The following ITFG1 variants were observed in gnomAD, a reference collection of about 807,000 sequenced individuals.
The protein encoded by ITFG1 is integrin alpha FG-GAP repeat containing 1, also known as T-cell immunomodulatory protein.
Under a neutral mutation model 81.8 loss-of-function variants are expected in ITFG1, and 34 were observed. The observed-to-expected ratio is 0.42, with a 90% CI of 0.32 to 0.55. ITFG1 has a LOEUF of 0.55. ITFG1 is among the 20% of genes least tolerant of loss of function. ITFG1 has a pLI of 0.17. For synonymous variants in ITFG1, 285 were observed against 270.6 expected, an observed-to-expected ratio of 1.05 and a Z score of -0.52; for missense variants, 672 against 755.4, an observed-to-expected ratio of 0.89 and a Z score of 1.29.
In ITFG1 at chr16:47,240,517, GA is replaced by G. The variant is rs756556474; in HGVS notation, c.1331-2510del. 7.2e-5 allele frequency among the ~76,000 whole-genome samples: 11 copies of G among 152,278 alleles called. No homozygotes were observed. In the South Asian group the frequency reaches 2.1e-3, roughly 29 times the overall value. On this transcript the variant is annotated intron_variant, in intron 12 of 17. Transcript: ENST00000320640. Reference sequence around the variant, plus strand: ...GGTATTTCTCCAAAGAAGATATACAGATGGCCACTGAGCTCATGAAAAGATG... The same window carrying G: ...GGTATTTCTCCAAAGAAGATATACAGTGGCCACTGAGCTCATGAAAAGATG...
At chr16:47,211,072 G>A (rs890219710) in intron 14 of ITFG1, among the ~76,000 whole-genome samples, 7 of 152,052 alleles carry the variant, frequency 4.6e-5, no homozygotes, top group Non-Finnish European at 1.0e-4. Context: ...ATCCTTCCGG[G>A]GACGTGGAAA....
intron 10 of ITFG1, among the ~76,000 whole-genome samples, chr16:47,270,834 T>C (rs1966330903): frequency 1.3e-5 from 2 of 150,376 alleles, no homozygotes; most frequent in African/African-American, 5.0e-5. Flanking sequence ...ATTCCATTAA[T>C]ATAAAATATT....
At chr16:47,357,891 T>C (rs1355051219) in intron 8 of ITFG1, among the ~76,000 whole-genome samples, 1 of 152,140 alleles carries the variant, frequency 6.6e-6, no homozygotes, top group Admixed American at 6.5e-5. Context: ...TTATATAAAT[T>C]ATGATTTCCA....
At chr16:47,407,865 CAT>C (rs1968748864) in intron 6 of ITFG1, among the ~76,000 whole-genome samples, 2 of 152,122 alleles carry the variant, frequency 1.3e-5, no homozygotes, top group South Asian at 4.1e-4. Flanking sequence ...CATATACATA[CAT>C]ATGTTATTAG....
At chr16:47,435,587 G>A (rs762920509) in intron 5 of ITFG1, among the ~76,000 whole-genome samples, 1 of 152,190 alleles carries the variant, frequency 6.6e-6, no homozygotes, top group Non-Finnish European at 1.5e-5. Context: ...GTTGCCTGTG[G>A]TAACTGTTCT....
At chr16:47,459,207 A>C in intron 1 of ITFG1, 32 bp from the exon 2 acceptor site, 1 of 1,371,434 alleles carries the variant, frequency 7.3e-7, no homozygotes, top group Non-Finnish European at 1.0e-6. Context: ...TATTAGAAAA[A>C]TGTTTGTTGA....
At chr16:47,275,014 T>C (rs2151547665) in intron 10 of ITFG1, among the ~76,000 whole-genome samples, 1 of 152,342 alleles carries the variant, frequency 6.6e-6, no homozygotes, top group East Asian at 1.9e-4. Flanking sequence ...AAGGAATTTC[T>C]AAGACTTATG....
chr16:47,163,644 T>C (rs1964842835), intron 14 of ITFG1, among the ~76,000 whole-genome samples: 1 of 152,218 alleles, frequency 6.6e-6, no homozygotes, highest in Non-Finnish European at 1.5e-5. Flanking sequence ...TTGTTTTCCT[T>C]TCTTTTGATT....
At chr16:47,311,059 A>C (rs929971656) in intron 10 of ITFG1, among the ~76,000 whole-genome samples, 181 bp downstream of exon 10, 4 of 152,128 alleles carry the variant, frequency 2.6e-5, no homozygotes, top group African/African-American at 4.8e-5. Context: ...AAAAAAAAAA[A>C]AACAACTAAG....
At chr16:47,455,780 A>C (rs1267442881) in intron 2 of ITFG1, among the ~76,000 whole-genome samples, 1 of 148,860 alleles carries the variant, frequency 6.7e-6, no homozygotes, top group Non-Finnish European at 1.5e-5. Flanking sequence ...CCCCCACCAA[A>C]AAAAAAAAAA....
chr16:47,451,368 T>C, intron 5 of ITFG1, 28 bp downstream of exon 5: 3 of 1,194,076 alleles, frequency 2.5e-6, no homozygotes, highest in Non-Finnish European at 2.4e-6. Context: ...ATACGATTAA[T>C]TACATAGTTA....
intron 6 of ITFG1, among the ~76,000 whole-genome samples, chr16:47,386,637 C>A (rs960197938): frequency 2.0e-5 from 3 of 152,148 alleles, no homozygotes; most frequent in African/African-American, 4.8e-5. Flanking sequence ...GGTTCAATGC[C>A]GGAAAGGGAA....
At chr16:47,181,144 C>T (rs1032243538) in intron 14 of ITFG1, among the ~76,000 whole-genome samples, 3 of 148,814 alleles carry the variant, frequency 2.0e-5, no homozygotes, top group African/African-American at 7.4e-5. Flanking sequence ...AGCGCCGCTG[C>T]CCCACCGCCC....
intron 6 of ITFG1, chr16:47,396,035 C>T: frequency 2.8e-6 from 1 of 359,250 alleles, no homozygotes; most frequent in Non-Finnish European, 3.9e-6. Flanking sequence ...ACCCAATTTA[C>T]ATCTAATCTG....
At chr16:47,269,168 A>G (rs1160848924) in intron 10 of ITFG1, among the ~76,000 whole-genome samples, 1 of 152,232 alleles carries the variant, frequency 6.6e-6, no homozygotes, top group East Asian at 1.9e-4. Flanking sequence ...AGCCATTGTA[A>G]AAGGAAAGAA....
intron 13 of ITFG1, among the ~76,000 whole-genome samples, chr16:47,219,240 T>G (rs1168448266): frequency 6.6e-6 from 1 of 152,174 alleles, no homozygotes; most frequent in African/African-American, 2.4e-5. Context: ...AGACCAAATA[T>G]TCTGTTGAAT....
rs114505327 is a variant in ITFG1 at position 47,378,186 on chromosome 16, T to C, written c.656-2246A>G. Reference sequence around the variant, plus strand: ...CTGACCTATTTGAAAGAACTAAAACTGAGAAAAGGGGCAAGCATGCTACTA... The same window carrying C: ...CTGACCTATTTGAAAGAACTAAAACCGAGAAAAGGGGCAAGCATGCTACTA... On this transcript the variant is annotated intron_variant, in intron 6 of 17. Coordinates refer to ENST00000320640, the MANE Select transcript of ITFG1 (RefSeq NM_030790.5). Among the ~76,000 whole-genome samples, 1,271 of 152,266 alleles carry C rather than the reference T, an allele frequency of 8.3e-3. 23 individuals are homozygous for C. Among genetic ancestry groups the C allele is most frequent in the African/African-American group, 0.029 (1,204 of 41,554 alleles).
intron 5 of ITFG1, among the ~76,000 whole-genome samples, chr16:47,438,300 G>A (rs1969196627): frequency 6.6e-6 from 1 of 152,228 alleles, no homozygotes; most frequent in Non-Finnish European, 1.5e-5. Context: ...AACCTCTGCA[G>A]ACTTAAATAT....
intron 5 of ITFG1, among the ~76,000 whole-genome samples, chr16:47,445,375 G>C (rs1440755863): frequency 6.6e-6 from 1 of 151,722 alleles, no homozygotes; most frequent in Non-Finnish European, 1.5e-5. Context: ...ATGTGAAGGA[G>C]AAAGTTATAG....
Sources: allele counts gnomAD v4.1 joint callset (sites outside exome capture counted in the v4.1 genomes callset), GRCh38; gene constraint gnomAD v4.1.1; transcripts MANE v1.5; gene names NCBI Gene and HGNC (gene_info 2026-07-23, HGNC 2026-07-21).